NRXN1: variants seen among roughly 807,000 people sequenced by gnomAD.
NRXN1 encodes neurexin 1, also known as neurexin-1.
A neutral mutation model predicts 150.9 loss-of-function variants in NRXN1; 39 were observed. The observed-to-expected ratio is 0.26, with a 90% CI of 0.20 to 0.34. The LOEUF is 0.34. Ranked by LOEUF, NRXN1 falls within the 10% of genes least tolerant of loss-of-function variation. The pLI is 1.00. For synonymous variants in NRXN1, 924 were observed against 757.0 expected (o/e 1.22, Z -3.62); for missense variants, 1,815 against 1,949.9 (o/e 0.93, Z 1.30).
At chr2:50,101,187 T>A (rs779538834) in intron 18 of NRXN1, among the ~76,000 whole-genome samples, 16 of 152,076 alleles carry the variant, frequency 1.1e-4, no homozygotes, top group Non-Finnish European at 1.2e-4. Flanking sequence ...CATTGTACAG[T>A]AATTCAGGAA....
At chr2:50,033,894 C>A (rs751862063) in intron 21 of NRXN1, among the ~76,000 whole-genome samples, 2 of 150,424 alleles carry the variant, frequency 1.3e-5, no homozygotes, top group African/African-American at 2.5e-5. Flanking sequence ...CATCATTGAT[C>A]GTTAAAGAAA....
intron 5 of NRXN1, among the ~76,000 whole-genome samples, chr2:50,834,761 A>C (rs1442382457): frequency 6.6e-6 from 1 of 152,118 alleles, no homozygotes; most frequent in African/African-American, 2.4e-5. Flanking sequence ...TAGATTCCTA[A>C]GCAGGGCCCA....
chr2:50,132,776 G>A (rs529343238), intron 18 of NRXN1, among the ~76,000 whole-genome samples: 5 of 151,386 alleles, frequency 3.3e-5, no homozygotes, highest in Admixed American at 2.6e-4. Flanking sequence ...AACGTCTAAT[G>A]TACATAGATA....
chr2:50,720,833 C>A (rs1292106809), intron 5 of NRXN1, among the ~76,000 whole-genome samples: 1 of 152,130 alleles, frequency 6.6e-6, no homozygotes, highest in African/African-American at 2.4e-5. Flanking sequence ...TTCCTTGCTG[C>A]ATTCCCTCTC....
intron 18 of NRXN1, among the ~76,000 whole-genome samples, chr2:50,173,103 T>C (rs1469597312): frequency 2.6e-5 from 4 of 152,234 alleles, no homozygotes; most frequent in African/African-American, 9.6e-5. Context: ...TTGTATCTTG[T>C]AGTCCAAGAG....
At chr2:49,928,626 A>G (rs1669557264) in intron 22 of NRXN1, among the ~76,000 whole-genome samples, 1 of 152,176 alleles carries the variant, frequency 6.6e-6, no homozygotes, top group Admixed American at 6.5e-5. Context: ...CCATTTGAAA[A>G]AAAACAACTC....
intron 5 of NRXN1, among the ~76,000 whole-genome samples, chr2:50,659,223 T>G (rs1686936101): frequency 6.6e-6 from 1 of 152,044 alleles, no homozygotes; most frequent in African/African-American, 2.4e-5. Context: ...CAATTGTTCT[T>G]TGGCCAGTGC....
intron 5 of NRXN1, chr2:50,829,657 GCATCATAA>G (rs1405951793): frequency 6.3e-5 from 101 of 1,611,602 alleles, no homozygotes; most frequent in Non-Finnish European, 7.3e-5. Context: ...GTACGGGACG[GCATCATAA>G]CAGGCTGACA....
chr2:50,230,799 G>C (rs2064868566), intron 18 of NRXN1, among the ~76,000 whole-genome samples: 1 of 151,960 alleles, frequency 6.6e-6, no homozygotes, highest in African/African-American at 2.4e-5. Flanking sequence ...ATGAAGGTAG[G>C]AATCTGTATT....
Position 50,403,932 on chromosome 2 carries a change from A to G in NRXN1, c.3364+61510T>C, listed in dbSNP as rs185760397. ...AGTTAATGCCCTCTGAACATAAGAC[A>G]ATGTTCTGAGTTGTTGGAAGTGGAC... On this transcript the variant is annotated intron_variant, in intron 17 of 22. Transcript: ENST00000401669. 3.3e-3 allele frequency among the ~76,000 whole-genome samples: 498 copies of G among 152,212 alleles called. 4 individuals carry two copies. The highest frequency in any genetic ancestry group is 0.012 in the African/African-American group (490 of 41,524).
intron 18 of NRXN1, among the ~76,000 whole-genome samples, chr2:50,203,881 C>A (rs2062370224): frequency 1.3e-5 from 2 of 152,066 alleles, no homozygotes; most frequent in South Asian, 4.1e-4. Flanking sequence ...TAAGCAGTGA[C>A]TGGGTGAGTT....
chr2:50,744,147 C>T (rs1699749315), intron 5 of NRXN1, among the ~76,000 whole-genome samples: 1 of 152,086 alleles, frequency 6.6e-6, no homozygotes, highest in Non-Finnish European at 1.5e-5. Flanking sequence ...AAAATATAAG[C>T]TGTGTCTTTA....
In NRXN1 at chr2:49,922,006, G is replaced by A; in HGVS notation, c.4462C>T (p.Pro1488Ser). ...TTGTTGGAGCTTTTCGCACTGCTGG[G>A]TTGTTTCTCCTTTACAACAGCCCCA... ...SNGAVVKEKQ[P>S]SSAKSSNKNK... is the part of the protein sequence containing the mutation. The change falls in exon 23 of 23, where the codon CCC (proline) becomes TCC (serine). Residue 1488 changes from proline (P) to serine (S), a missense_variant. Pro to Ser is a moderately conservative substitution (Grantham distance 74). Around this residue, in one of 6 missense-constraint regions of NRXN1, gnomAD observed 265 missense variants for 307.1 expected, o/e 0.86. Transcript: ENST00000401669. 1 of 1,614,084 alleles carries A rather than the reference G, an allele frequency of 6.2e-7. No homozygotes were observed.
chr2:50,172,737 C>G (rs1212356052), intron 18 of NRXN1, among the ~76,000 whole-genome samples: 3 of 152,202 alleles, frequency 2.0e-5, no homozygotes, highest in East Asian at 3.9e-4. Flanking sequence ...TGGGGCAAGG[C>G]AGGTGGATAA....
intron 17 of NRXN1, among the ~76,000 whole-genome samples, chr2:50,429,256 C>CT (rs11452984): frequency 0.072 from 10,971 of 151,596 alleles, 912 homozygotes; most frequent in East Asian, 0.42. Context: ...AAAAAAAATA[C>CT]TTTTTTTTCT....
At chr2:50,749,752 C>T (rs905170117) in intron 5 of NRXN1, among the ~76,000 whole-genome samples, 2 of 151,880 alleles carry the variant, frequency 1.3e-5, no homozygotes, top group African/African-American at 4.8e-5. Flanking sequence ...TGAAAATAAC[C>T]TCAAAGGTCA....
chr2:50,371,424 C>G (rs2080018581), intron 17 of NRXN1, among the ~76,000 whole-genome samples: 1 of 151,938 alleles, frequency 6.6e-6, no homozygotes, highest in African/African-American at 2.4e-5. Flanking sequence ...GCCTTGTACT[C>G]AAGAATTTCT....
intron 5 of NRXN1, among the ~76,000 whole-genome samples, chr2:50,814,474 TGGCA>T (rs1275109329): frequency 6.6e-6 from 1 of 152,152 alleles, no homozygotes; most frequent in Non-Finnish European, 1.5e-5. Context: ...ACATTTTACT[TGGCA>T]AACACAGAAA....
At chr2:50,765,143 C>T (rs1702239386) in intron 5 of NRXN1, among the ~76,000 whole-genome samples, 1 of 152,018 alleles carries the variant, frequency 6.6e-6, no homozygotes, top group Admixed American at 6.6e-5. Context: ...AACTTAACTA[C>T]CTCACAGGAT....
Sources: gnomAD v4.1 joint callset for allele counts (sites outside exome capture counted in the v4.1 genomes callset) on GRCh38, gnomAD v4.1.1 for gene constraint, gnomAD v4.1.1 regional missense constraint, MANE v1.5 for transcripts, NCBI Gene and HGNC (gene_info 2026-07-23, HGNC 2026-07-21) for gene names.